KANSL1: variants seen among roughly 807,000 people sequenced by gnomAD.
KANSL1 encodes the protein MLL1/MLL complex subunit KANSL1.
Under a neutral mutation model 103.6 loss-of-function variants are expected in KANSL1, and 22 were observed. The observed-to-expected ratio is 0.21, with a 90% CI of 0.15 to 0.30. The LOEUF (loss-of-function observed/expected upper bound fraction) is 0.30, where lower values mean the gene tolerates loss of function less well. Among genes scored for constraint, KANSL1 ranks in the 10% least tolerant of loss-of-function variants. KANSL1 has a pLI of 1.00. For missense variants in KANSL1, 1,337 were observed against 1,399.8 expected (o/e 0.96, Z 0.72); for synonymous variants, 600 against 527.6 (o/e 1.14, Z -1.88).
chr17:46,086,709 T>C (rs2079177433), intron 3 of KANSL1, among the ~76,000 whole-genome samples: 1 of 152,172 alleles, frequency 6.6e-6, no homozygotes, highest in East Asian at 1.9e-4. Flanking sequence ...ATTCCAGCAC[T>C]TTGGGAAGCC....
chr17:46,068,182 AAG>A (rs2078451182), intron 4 of KANSL1, among the ~76,000 whole-genome samples: 1 of 152,200 alleles, frequency 6.6e-6, no homozygotes, highest in Admixed American at 6.5e-5. Flanking sequence ...CAAGATGACT[AAG>A]AGGAAATTTA....
intron 1 of KANSL1, among the ~76,000 whole-genome samples, chr17:46,186,488 G>A (rs886949503): frequency 6.6e-6 from 1 of 152,062 alleles, no homozygotes; most frequent in Admixed American, 6.6e-5. Flanking sequence ...TTAGAGAAAA[G>A]TCAATTAATG....
At chr17:46,076,289 G>A (rs1231853998) in intron 4 of KANSL1, among the ~76,000 whole-genome samples, 2 of 152,036 alleles carry the variant, frequency 1.3e-5, no homozygotes, top group African/African-American at 2.4e-5. Flanking sequence ...GAGGTCAGGA[G>A]TTCAAGACTA....
In KANSL1 at chr17:46,032,403, C is replaced by G. The variant is rs1076222; in HGVS notation, c.2838-104G>C. 0.19 allele frequency: 181,619 copies of G among 978,352 alleles called. 19,682 individuals are homozygous for G. The highest frequency in any genetic ancestry group is 0.23 in the Non-Finnish European group (152,938 of 679,224). 60.6% of individuals were successfully genotyped at this position (978,352 alleles called of 1,614,324 possible). ...CACTGGAGGAGTTGAGGCAAACAAA[C>G]ACCAACAGATTTTCCTTAGGATCCA... On this transcript the variant is annotated intron_variant, in intron 13 of 14. Transcript: ENST00000432791.
intron 2 of KANSL1, 38 bp from the exon 3 acceptor site, chr17:46,094,739 A>G: frequency 6.2e-7 from 1 of 1,612,762 alleles, no homozygotes; most frequent in Non-Finnish European, 8.5e-7. Context: ...CAAGAGTAGC[A>G]GTAATATCTA....
chr17:46,175,877 A>C (rs2046496528), intron 1 of KANSL1, among the ~76,000 whole-genome samples: 2 of 152,262 alleles, frequency 1.3e-5, no homozygotes, highest in South Asian at 4.1e-4. Context: ...ACCAGTTGAC[A>C]GTACTAATTC....
chr17:46,139,296 CAAAA>C (rs370375207), intron 2 of KANSL1, among the ~76,000 whole-genome samples: 1 of 139,472 alleles, frequency 7.2e-6, no homozygotes. Flanking sequence ...TTTCATAGGC[CAAAA>C]AAAAAAAAAA....
intron 4 of KANSL1, among the ~76,000 whole-genome samples, chr17:46,079,556 A>G (rs2078908918): frequency 6.6e-6 from 1 of 152,268 alleles, no homozygotes; most frequent in Non-Finnish European, 1.5e-5. Context: ...TAGGATATTA[A>G]TAACTTTTGT....
intron 6 of KANSL1, among the ~76,000 whole-genome samples, chr17:46,060,338 C>T (rs1246087476): frequency 1.3e-5 from 2 of 152,220 alleles, no homozygotes; most frequent in African/African-American, 2.4e-5. Flanking sequence ...CACAATCAAG[C>T]ATATCCCACA....
At chr17:46,176,225 T>C (rs889036584) in intron 1 of KANSL1, among the ~76,000 whole-genome samples, 4 of 152,238 alleles carry the variant, frequency 2.6e-5, no homozygotes, top group African/African-American at 9.6e-5. Context: ...ATATGCTTTA[T>C]GACTTACATA....
At chr17:46,220,218 A>ATT (rs1567815584) in intron 1 of KANSL1, among the ~76,000 whole-genome samples, 1 of 150,948 alleles carries the variant, frequency 6.6e-6, no homozygotes, top group Non-Finnish European at 1.5e-5. Context: ...TGTTCTTTAA[A>ATT]ATTTTTTTTT....
intron 1 of KANSL1, among the ~76,000 whole-genome samples, chr17:46,181,434 T>C (rs1478791920): frequency 7.3e-6 from 1 of 136,942 alleles, no homozygotes; most frequent in South Asian, 2.2e-4. Context: ...TTCCTCACAC[T>C]TTTTTTTTTT....
intron 2 of KANSL1, among the ~76,000 whole-genome samples, chr17:46,135,425 C>T (rs55782816): frequency 1.3e-5 from 2 of 152,146 alleles, no homozygotes; most frequent in Non-Finnish European, 2.9e-5. Context: ...ATCTCTCCAT[C>T]TTACCCAGAT....
intron 1 of KANSL1, among the ~76,000 whole-genome samples, chr17:46,179,687 A>G (rs2147817425): frequency 6.6e-6 from 1 of 152,372 alleles, no homozygotes; most frequent in Non-Finnish European, 1.5e-5. Context: ...GGACAAGAGA[A>G]TGGTAATGTG....
chr17:46,190,512 G>A (rs1001302736), intron 1 of KANSL1, among the ~76,000 whole-genome samples: 1 of 152,206 alleles, frequency 6.6e-6, no homozygotes, highest in East Asian at 1.9e-4. Flanking sequence ...CATATAGATG[G>A]AAAGACCGAA....
chr17:46,153,992 A>C (rs1249305459), intron 2 of KANSL1, among the ~76,000 whole-genome samples: 2 of 152,222 alleles, frequency 1.3e-5, no homozygotes, highest in Admixed American at 1.3e-4. Flanking sequence ...TTCTTCACTC[A>C]ACTATACCCC....
At chr17:46,185,318 A>G (rs1035090924) in intron 1 of KANSL1, among the ~76,000 whole-genome samples, 7 of 152,228 alleles carry the variant, frequency 4.6e-5, no homozygotes, top group African/African-American at 1.7e-4. Flanking sequence ...TAACAAGAAG[A>G]GGCATCAACT....
intron 2 of KANSL1, among the ~76,000 whole-genome samples, chr17:46,128,190 A>C (rs1294297738): frequency 1.3e-5 from 2 of 152,126 alleles, no homozygotes; most frequent in African/African-American, 4.8e-5. Flanking sequence ...CACTATCTCT[A>C]GTAAATAGAC....
At chr17:46,164,251 T>C (rs575488053) in intron 2 of KANSL1, among the ~76,000 whole-genome samples, 4 of 152,388 alleles carry the variant, frequency 2.6e-5, no homozygotes, top group Admixed American at 2.6e-4. Flanking sequence ...ATAGCAACTA[T>C]ATCTACGGTA....
Sources: allele counts gnomAD v4.1 joint callset (sites outside exome capture counted in the v4.1 genomes callset), GRCh38; gene constraint gnomAD v4.1.1; transcripts MANE v1.5; gene names NCBI Gene and HGNC (gene_info 2026-07-23, HGNC 2026-07-21).